ZBTB2: variants seen among roughly 807,000 people sequenced by gnomAD.
ZBTB2 encodes the protein zinc finger and BTB domain containing 2.
Under a neutral mutation model 39.5 loss-of-function variants are expected in ZBTB2, and 2 were observed. That is an observed-to-expected ratio of 0.05 (90% CI 0.02 to 0.16). The LOEUF (loss-of-function observed/expected upper bound fraction) is 0.16, where lower values mean the gene tolerates loss of function less well. Ranked by LOEUF, ZBTB2 falls within the 10% of genes least tolerant of loss-of-function variation. ZBTB2 has a pLI of 1.00. For missense variants in ZBTB2, 391 were observed against 653.0 expected, an observed-to-expected ratio of 0.60 and a Z score of 4.37; for synonymous variants, 251 against 256.6, an observed-to-expected ratio of 0.98 and a Z score of 0.21.
chr6:151,369,663 G>A (rs761033625), intron 2 of ZBTB2, among the ~76,000 whole-genome samples: 2 of 151,886 alleles, frequency 1.3e-5, no homozygotes, highest in Non-Finnish European at 2.9e-5. Flanking sequence ...AAGCACATGT[G>A]CACACATACA....
rs1277179216 is a variant in ZBTB2, at chr6:151,366,064, C to T, written c.1002G>A (p.Gln334=). The T allele has an allele frequency of 6.2e-7, 1 of 1,614,198 alleles. No homozygotes were observed. The highest frequency in any genetic ancestry group is 8.5e-7 in the Non-Finnish European group (1 of 1,180,042). The change falls in exon 3 of 3, where the codon CAG becomes CAA. Residue 334 remains glutamine (Q), a synonymous_variant. Coordinates refer to ENST00000325144, the MANE Select transcript of ZBTB2 (RefSeq NM_020861.3). The surrounding 1 kb of genome is among the most constrained non-coding windows in gnomAD (Gnocchi z 7.1). ...SDSPIIDGQQ[Q]SETPPPSDIA... ...TGTCTGAGGGGGGTGGGGTTTCCGA[C>T]TGCTGCTGCCCATCGATGATGGGAG...
chr6:151,370,044 G>T, intron 2 of ZBTB2: 1 of 947,006 alleles, frequency 1.1e-6, no homozygotes, highest in Non-Finnish European at 1.3e-6. Flanking sequence ...CTCACTATGC[G>T]CCAGACTTTG....
rs1220876263 is a variant in ZBTB2, at chr6:151,366,620, G to A, written c.446C>T (p.Ala149Val). 1 of 1,614,134 alleles carries A rather than the reference G, an allele frequency of 6.2e-7. No individual in the cohort carries two copies. Among genetic ancestry groups the A allele is most frequent in the African/African-American group, 1.3e-5 (1 of 75,024 alleles). ...TCGCCCGAGTTTTTCAGGTGCTGAA[G>A]CAATCTTGGTGGCTTGTCTCAACTG... is the stretch of plus-strand genomic sequence containing the variant. ...DHQLRQATKIASAPEKLGRDP... is the reference protein window; with the variant it reads ...DHQLRQATKIVSAPEKLGRDP... The change falls in exon 3 of 3, where the codon GCT becomes GTT. Residue 149 changes from alanine to valine, a missense_variant. Ala to Val is a moderately conservative substitution (Grantham distance 64). Transcript: ENST00000325144. The surrounding 1 kb of genome is among the most constrained non-coding windows in gnomAD (Gnocchi z 7.1).
intron 1 of ZBTB2, among the ~76,000 whole-genome samples, 194 bp from the exon 2 acceptor site, chr6:151,373,843 T>TAAAAAAAAA (rs200070063): frequency 8.0e-4 from 37 of 45,988 alleles, no homozygotes; most frequent in African/African-American, 1.4e-3. Context: ...ATTATGCCTT[T>TAAAAAAAAA]AAAAAAAAAA....
intron 1 of ZBTB2, among the ~76,000 whole-genome samples, chr6:151,377,143 C>T (rs1194444631): frequency 7.1e-6 from 1 of 140,982 alleles, no homozygotes. Context: ...AAAGGGAGAA[C>T]AGATTAGTGG....
At chr6:151,375,549 T>C (rs1251009737) in intron 1 of ZBTB2, among the ~76,000 whole-genome samples, 1 of 152,198 alleles carries the variant, frequency 6.6e-6, no homozygotes, top group Non-Finnish European at 1.5e-5. Flanking sequence ...GGAACTAGAA[T>C]AGCTAAAATT....
chr6:151,375,639 C>G (rs1350981562), intron 1 of ZBTB2, among the ~76,000 whole-genome samples: 1 of 152,214 alleles, frequency 6.6e-6, no homozygotes, highest in African/African-American at 2.4e-5. Context: ...TCACTGCAAC[C>G]TCCATCTCCT....
At chr6:151,369,929 C>A (rs1045870226) in intron 2 of ZBTB2, among the ~76,000 whole-genome samples, 1 of 151,738 alleles carries the variant, frequency 6.6e-6, no homozygotes, top group Non-Finnish European at 1.5e-5. Flanking sequence ...AACAAACAAA[C>A]AAAAAACAGG....
intron 2 of ZBTB2, among the ~76,000 whole-genome samples, chr6:151,371,621 T>A (rs781544580): frequency 6.6e-6 from 1 of 151,838 alleles, no homozygotes; most frequent in Non-Finnish European, 1.5e-5. Flanking sequence ...TAGAAGGAGG[T>A]TGGGCTCCAA....
At chr6:151,371,656 A>C (rs564527270) in intron 2 of ZBTB2, among the ~76,000 whole-genome samples, 1 of 152,190 alleles carries the variant, frequency 6.6e-6, no homozygotes, top group Non-Finnish European at 1.5e-5. Context: ...GGATGACAGA[A>C]TAAGGAGCCT....
intron 2 of ZBTB2, among the ~76,000 whole-genome samples, chr6:151,367,622 T>A (rs1778678898): frequency 6.6e-6 from 1 of 152,104 alleles, no homozygotes; most frequent in Non-Finnish European, 1.5e-5. Flanking sequence ...TGGTAAGAGG[T>A]GGAGCTGGTA....
intron 1 of ZBTB2, among the ~76,000 whole-genome samples, chr6:151,390,326 C>G (rs566028033): frequency 7.3e-6 from 1 of 136,652 alleles, no homozygotes; most frequent in Non-Finnish European, 1.5e-5. Flanking sequence ...CTCTGGCCCC[C>G]TCCGGTCTCG....
At chr6:151,377,535 A>ATTTTTTTT (rs769474299) in intron 1 of ZBTB2, among the ~76,000 whole-genome samples, 1 of 103,448 alleles carries the variant, frequency 9.7e-6, no homozygotes, top group African/African-American at 4.3e-5. Flanking sequence ...TGTCTGGCTA[A>ATTTTTTTT]TTTTTTTTTT....
intron 1 of ZBTB2, 49 bp from the exon 2 acceptor site, chr6:151,373,698 A>C: frequency 6.5e-7 from 1 of 1,550,042 alleles, no homozygotes; most frequent in Non-Finnish European, 8.8e-7. Flanking sequence ...ACAAATAAGA[A>C]TGTGTCCTTT....
At chr6:151,390,574 G>C (rs1361328256) in intron 1 of ZBTB2, among the ~76,000 whole-genome samples, 4 of 150,762 alleles carry the variant, frequency 2.7e-5, no homozygotes, top group African/African-American at 9.7e-5. Flanking sequence ...GAGAGGGAGA[G>C]GGATGAGCGC....
chr6:151,380,682 C>A (rs963849398), intron 1 of ZBTB2, among the ~76,000 whole-genome samples: 2 of 152,188 alleles, frequency 1.3e-5, no homozygotes, highest in Non-Finnish European at 2.9e-5. Context: ...TCTGATAAAT[C>A]TTTGGTCTCT....
At chr6:151,375,604 AGCAGTGCAGTG>A (rs1778889385) in intron 1 of ZBTB2, among the ~76,000 whole-genome samples, 1 of 152,196 alleles carries the variant, frequency 6.6e-6, no homozygotes, top group African/African-American at 2.4e-5. Flanking sequence ...TGTTGCAGGT[AGCAGTGCAGTG>A]GCACAATCTC....
chr6:151,377,423 C>T (rs1324981018), intron 1 of ZBTB2, among the ~76,000 whole-genome samples: 1 of 149,434 alleles, frequency 6.7e-6, no homozygotes, highest in Non-Finnish European at 1.5e-5. Context: ...GGCTGGAGTG[C>T]AATGGCACCA....
At chr6:151,385,357 C>T (rs1204927625) in intron 1 of ZBTB2, among the ~76,000 whole-genome samples, 1 of 152,190 alleles carries the variant, frequency 6.6e-6, no homozygotes, top group Non-Finnish European at 1.5e-5. Context: ...GGACATTGAC[C>T]ACCTAGCTGT....
Sources: gnomAD v4.1 joint callset for allele counts (sites outside exome capture counted in the v4.1 genomes callset) on GRCh38, gnomAD v4.1.1 for gene constraint, Gnocchi (gnomAD v3.1) non-coding constraint, MANE v1.5 for transcripts, NCBI Gene and HGNC (gene_info 2026-07-23, HGNC 2026-07-21) for gene names.